RFC3: variants seen among roughly 807,000 people sequenced by gnomAD.
The protein encoded by RFC3 is A1 38 kDa subunit.
In RFC3, 41 loss-of-function variants were observed where a neutral mutation model predicts 45.1. That is an observed-to-expected ratio of 0.91 (90% CI 0.71 to 1.18). RFC3 has a LOEUF of 1.18. Ranked by LOEUF, RFC3 falls within the 50% of genes most tolerant of loss-of-function variation. The pLI, the probability that RFC3 is intolerant of heterozygous loss-of-function variation, is 0.00. For missense variants in RFC3, 423 were observed against 428.1 expected, an observed-to-expected ratio of 0.99 and a Z score of 0.10; for synonymous variants, 149 against 144.0, an observed-to-expected ratio of 1.03 and a Z score of -0.25.
intron 8 of RFC3, among the ~76,000 whole-genome samples, chr13:33,887,076 A>G (rs902288123): frequency 6.8e-6 from 1 of 146,178 alleles, no homozygotes; most frequent in Admixed American, 6.8e-5. Context: ...GCTATTGTGA[A>G]TAGTGCCGCA....
At chr13:33,938,369 T>G (rs2137794866) in intron 8 of RFC3, among the ~76,000 whole-genome samples, 1 of 152,206 alleles carries the variant, frequency 6.6e-6, no homozygotes, top group Admixed American at 6.5e-5. Flanking sequence ...TATTGGAGTT[T>G]GACACACATT....
chr13:33,820,264 C>G (rs1238337339), intron 1 of RFC3, among the ~76,000 whole-genome samples: 1 of 152,220 alleles, frequency 6.6e-6, no homozygotes, highest in Non-Finnish European at 1.5e-5. Flanking sequence ...TAAGTGCACA[C>G]AGACTGACTT....
chr13:33,871,566 A>G (rs1160904512), intron 8 of RFC3, among the ~76,000 whole-genome samples: 1 of 152,212 alleles, frequency 6.6e-6, no homozygotes, highest in Non-Finnish European at 1.5e-5. Context: ...ATTTAATCAC[A>G]TCTGCACAGT....
downstream of RFC3, among the ~76,000 whole-genome samples, chr13:33,967,971 G>A (rs773031450): frequency 7.9e-5 from 12 of 152,148 alleles, no homozygotes; most frequent in Non-Finnish European, 1.3e-4. Flanking sequence ...CTCTGCTAGG[G>A]TAATGAAGAC....
chr13:33,838,557 C>G (rs2082174798), downstream of RFC3, among the ~76,000 whole-genome samples: 1 of 152,028 alleles, frequency 6.6e-6, no homozygotes, highest in South Asian at 2.1e-4. Flanking sequence ...AGCCAATTTT[C>G]TTTTGCAGTT....
At chr13:33,885,211 G>A (rs879804394) in intron 8 of RFC3, among the ~76,000 whole-genome samples, 15 of 151,938 alleles carry the variant, frequency 9.9e-5, no homozygotes, top group Non-Finnish European at 2.2e-4. Flanking sequence ...TTCTATCATG[G>A]TATCACATTA....
At chr13:33,830,066 G>C (rs934774274) in intron 5 of RFC3, 49 bp downstream of exon 5, 1 of 1,497,656 alleles carries the variant, frequency 6.7e-7, no homozygotes. Context: ...CAGATTCTCT[G>C]AATATTGTAT....
exon 9 of RFC3, chr13:33,966,249 A>G: frequency 1.3e-6 from 1 of 749,236 alleles, no homozygotes; most frequent in Non-Finnish European, 2.4e-6. Flanking sequence ...CAAGATTCAG[A>G]CTCCAGCCTG....
chr13:33,827,021 A>G (rs1244861372), intron 4 of RFC3, among the ~76,000 whole-genome samples: 2 of 152,252 alleles, frequency 1.3e-5, no homozygotes, highest in African/African-American at 4.8e-5. Context: ...TGTCTTTAAC[A>G]CAAATGTGTG....
intron 8 of RFC3, among the ~76,000 whole-genome samples, chr13:33,844,391 GTTC>G (rs2082222727): frequency 3.9e-5 from 6 of 152,236 alleles, no homozygotes; most frequent in East Asian, 1.9e-4. Flanking sequence ...AGTTTCTGCT[GTTC>G]TTCTCTCTCC....
chr13:33,937,841 A>G (rs962286592), intron 8 of RFC3, among the ~76,000 whole-genome samples: 1 of 152,150 alleles, frequency 6.6e-6, no homozygotes, highest in African/African-American at 2.4e-5. Context: ...AGCCCTTATC[A>G]TTGTTTTCCA....
rs2082656546 is a variant in RFC3 at position 33,903,926 on chromosome 13, T to C, written c.880-62161T>C. Reference sequence around the variant, plus strand: ...GTCCAAAATTATGCAAAGAAATAGGTATCTATTTCCTGCTGTGTCTTGTAA... The same window carrying C: ...GTCCAAAATTATGCAAAGAAATAGGCATCTATTTCCTGCTGTGTCTTGTAA... On this transcript the variant is annotated intron_variant, in intron 8 of 8. Coordinates refer to the RFC3 transcript ENST00000434425. Among the ~76,000 whole-genome samples the C allele has an allele frequency of 5.9e-5, 9 of 152,190 alleles. No homozygotes were observed. The South Asian group carries it at 1.9e-3, about 32-fold the overall frequency.
At chr13:33,840,998 G>A (rs1260001339), downstream of RFC3, among the ~76,000 whole-genome samples, 2 of 152,188 alleles carry the variant, frequency 1.3e-5, no homozygotes, top group Non-Finnish European at 2.9e-5. Context: ...GTTAGGAACT[G>A]GGGCCACACA....
At chr13:33,921,812 A>T (rs1430058037) in intron 8 of RFC3, among the ~76,000 whole-genome samples, 1 of 152,136 alleles carries the variant, frequency 6.6e-6, no homozygotes, top group East Asian at 1.9e-4. Context: ...GGGGTTGCTC[A>T]TTCAAATGCC....
At chr13:33,842,873 C>T (rs1191901836) in intron 8 of RFC3, among the ~76,000 whole-genome samples, 3 of 152,022 alleles carry the variant, frequency 2.0e-5, no homozygotes, top group Admixed American at 6.6e-5. Flanking sequence ...TGTTTTATGC[C>T]ATTCTTTAAA....
intron 8 of RFC3, among the ~76,000 whole-genome samples, chr13:33,912,326 G>T (rs1190934229): frequency 6.6e-6 from 1 of 152,026 alleles, no homozygotes; most frequent in African/African-American, 2.4e-5. Context: ...AGTGATGGTG[G>T]TAATGTGACA....
At chr13:33,919,670 A>ATGTC (rs1157901138) in intron 8 of RFC3, among the ~76,000 whole-genome samples, 1 of 151,998 alleles carries the variant, frequency 6.6e-6, no homozygotes, top group Non-Finnish European at 1.5e-5. Context: ...GTATTATTTA[A>ATGTC]TGTCTGTGTG....
At chr13:33,831,076 A>G (rs2082098268) in intron 6 of RFC3, among the ~76,000 whole-genome samples, 180 bp from the exon 7 acceptor site, 1 of 152,206 alleles carries the variant, frequency 6.6e-6, no homozygotes, top group South Asian at 2.1e-4. Context: ...TCCTATCAGA[A>G]GCTAATAACA....
chr13:33,841,310 TA>T (rs1314955917), downstream of RFC3, among the ~76,000 whole-genome samples: 4 of 152,222 alleles, frequency 2.6e-5, no homozygotes, highest in African/African-American at 7.2e-5. Context: ...CATAACTGCA[TA>T]AAATTACAGT....
Sources: gnomAD v4.1 joint callset for allele counts (sites outside exome capture counted in the v4.1 genomes callset) on GRCh38, gnomAD v4.1.1 for gene constraint, MANE v1.5 for transcripts, NCBI Gene and HGNC (gene_info 2026-07-23, HGNC 2026-07-21) for gene names.